Variants in FAM222A observed in about 807,000 individuals in gnomAD.
FAM222A encodes protein FAM222A.
In FAM222A, 7 loss-of-function variants were observed where a neutral mutation model predicts 25.8. The observed-to-expected ratio is 0.27, with a 90% CI of 0.15 to 0.51. The LOEUF is 0.51. Among genes scored for constraint, FAM222A ranks in the 20% least tolerant of loss-of-function variants. The pLI is 0.97. For missense variants in FAM222A, 573 were observed against 640.5 expected (o/e 0.89, Z 1.14); for synonymous variants, 294 against 298.8 (o/e 0.98, Z 0.17).
At chr12:109,721,779 A>G (rs966763359) in intron 1 of FAM222A, among the ~76,000 whole-genome samples, 1 of 152,160 alleles carries the variant, frequency 6.6e-6, no homozygotes. Flanking sequence ...CCGAGCACTG[A>G]CAGTCTGGAT....
chr12:109,761,869 C>A (rs1395323635), intron 2 of FAM222A, among the ~76,000 whole-genome samples: 1 of 152,120 alleles, frequency 6.6e-6, no homozygotes, highest in Non-Finnish European at 1.5e-5. Flanking sequence ...GCAGAGGAAA[C>A]CCCCGGGTCC....
chr12:109,763,226 C>A (rs572216070), intron 2 of FAM222A, among the ~76,000 whole-genome samples: 6 of 152,382 alleles, frequency 3.9e-5, no homozygotes, highest in African/African-American at 1.4e-4. Flanking sequence ...GGGCCTGAAT[C>A]TCAGCTCCAC....
At chr12:109,723,002 T>TGGGGGGGGGGGGGGGGG (rs141202990) in intron 1 of FAM222A, among the ~76,000 whole-genome samples, 1 of 61,812 alleles carries the variant, frequency 1.6e-5, no homozygotes, top group African/African-American at 4.1e-5. Flanking sequence ...AGGGAGCGGG[T>TGGGGGGGGGGGGGGGGG]GGGGGGGGGA....
At chr12:109,723,903 T>C (rs1259848968) in intron 1 of FAM222A, among the ~76,000 whole-genome samples, 1 of 152,136 alleles carries the variant, frequency 6.6e-6, no homozygotes, top group Non-Finnish European at 1.5e-5. Flanking sequence ...TTACGGATCA[T>C]GGGCCCATCT....
chr12:109,719,890 A>C (rs952583047), intron 1 of FAM222A, among the ~76,000 whole-genome samples: 2 of 152,182 alleles, frequency 1.3e-5, no homozygotes, highest in Admixed American at 1.3e-4. Context: ...TTAGAGGCCA[A>C]CAGAGAGCTT....
At chr12:109,753,019 T>G (rs2136361521) in intron 2 of FAM222A, among the ~76,000 whole-genome samples, 1 of 152,274 alleles carries the variant, frequency 6.6e-6, no homozygotes, top group South Asian at 2.1e-4. Context: ...AGCCTGTGGG[T>G]CTCAACTGCT....
At chr12:109,754,323 G>A (rs1888647869) in intron 2 of FAM222A, among the ~76,000 whole-genome samples, 1 of 152,050 alleles carries the variant, frequency 6.6e-6, no homozygotes, top group African/African-American at 2.4e-5. Flanking sequence ...CTACTCAGGA[G>A]GAGTCCAAGA....
chr12:109,742,972 C>CT (rs1566190964), intron 1 of FAM222A, among the ~76,000 whole-genome samples: 1 of 152,210 alleles, frequency 6.6e-6, no homozygotes, highest in Admixed American at 6.5e-5. Flanking sequence ...ACTTCCCTTT[C>CT]TTCCCCTTCA....
chr12:109,763,883 C>T (rs1888967339), intron 2 of FAM222A, among the ~76,000 whole-genome samples: 1 of 152,104 alleles, frequency 6.6e-6, no homozygotes, highest in Non-Finnish European at 1.5e-5. Context: ...GGGACCATCT[C>T]CCACCTCTAG....
intron 2 of FAM222A, among the ~76,000 whole-genome samples, chr12:109,745,704 C>T (rs1566192161): frequency 4.6e-5 from 7 of 152,182 alleles, no homozygotes; most frequent in Non-Finnish European, 1.5e-5. Flanking sequence ...CAAGGTCTAG[C>T]TATGTTGCCC....
intron 2 of FAM222A, among the ~76,000 whole-genome samples, chr12:109,750,919 A>G (rs1030991464): frequency 1.3e-5 from 2 of 151,926 alleles, no homozygotes; most frequent in East Asian, 1.9e-4. Context: ...CGATCTTTCC[A>G]TATCTTTCAT....
At chr12:109,723,142 G>A (rs549318390) in intron 1 of FAM222A, among the ~76,000 whole-genome samples, 3 of 152,136 alleles carry the variant, frequency 2.0e-5, no homozygotes, top group Non-Finnish European at 4.4e-5. Context: ...GGGGTGGCAA[G>A]CTGGCATTTT....
chr12:109,765,259 A>T (rs553962874), intron 2 of FAM222A, among the ~76,000 whole-genome samples: 2 of 152,178 alleles, frequency 1.3e-5, no homozygotes, highest in South Asian at 4.2e-4. Flanking sequence ...GCATTGTAGG[A>T]TGTTTAGTGG....
intron 2 of FAM222A, among the ~76,000 whole-genome samples, chr12:109,754,331 A>G (rs1565844224): frequency 6.6e-6 from 1 of 152,178 alleles, no homozygotes; most frequent in South Asian, 2.1e-4. Context: ...GAGGAGTCCA[A>G]GAGATCAGCC....
At chr12:109,748,327 TTTCTTTC>T (rs1888460495) in intron 2 of FAM222A, among the ~76,000 whole-genome samples, 1 of 72,666 alleles carries the variant, frequency 1.4e-5, no homozygotes, top group South Asian at 7.6e-4. Flanking sequence ...GTTCTTTGGT[TTTCTTTC>T]TTTTTTTTTT....
In FAM222A at chr12:109,767,062, CTTTTTTTT is replaced by C. The variant is rs757766627; in HGVS notation, c.83-933_83-926del. On this transcript the variant is annotated intron_variant, in intron 2 of 2. Coordinates refer to ENST00000538780, the MANE Select transcript of FAM222A (RefSeq NM_032829.3). ...AGGCATGCACCATAATGCTTGGCTT[CTTTTTTTT>C]TTTTTTTTTTTTTTTTCTTATAAAG... Among the ~76,000 whole-genome samples the C allele has an allele frequency of 5.8e-3, 536 of 93,086 alleles. 16 individuals carry two copies. In the East Asian group the frequency reaches 0.065, roughly 11 times the overall value. The allele number at this position is 93,086 out of a possible 152,430, so 61.1% of individuals were successfully genotyped here. A position where few individuals can be genotyped will look rare whatever the true frequency, so the allele number is the denominator to read the frequency against.
chr12:109,733,939 G>A (rs898933252), intron 1 of FAM222A, among the ~76,000 whole-genome samples: 16 of 152,142 alleles, frequency 1.1e-4, no homozygotes, highest in East Asian at 1.9e-4. Flanking sequence ...GAAGACTGGC[G>A]GGATGGCTCA....
At chr12:109,722,404 C>A (rs1227183304) in intron 1 of FAM222A, 1 of 152,136 alleles carries the variant, frequency 6.6e-6, no homozygotes, top group African/African-American at 2.4e-5. Flanking sequence ...GGGGGGCTAC[C>A]TTCAGTCTAC....
rs548519526 is a variant in FAM222A at position 109,769,549 on chromosome 12, C to T, written c.*261C>T. 9.5e-6 allele frequency: 5 copies of T among 528,414 alleles called. No homozygotes were observed. Among genetic ancestry groups the T allele is most frequent in the African/African-American group, 7.6e-5 (4 of 52,552 alleles). The allele number at this position is 528,414 out of a possible 1,614,324, so 32.7% of individuals were successfully genotyped here. On this transcript the variant is annotated 3_prime_UTR_variant, in exon 3 of 3. Coordinates refer to ENST00000538780, the MANE Select transcript of FAM222A (RefSeq NM_032829.3). ...GGCAGCCACTGACGCCCATGCCTTC[C>T]TTTATCTAAGCTGGCAGAGGCAGGG...
Sources: gnomAD v4.1 joint callset for allele counts (sites outside exome capture counted in the v4.1 genomes callset) on GRCh38, gnomAD v4.1.1 for gene constraint, MANE v1.5 for transcripts, NCBI Gene and HGNC (gene_info 2026-07-23, HGNC 2026-07-21) for gene names.